Variants in SLC36A3 observed in about 807,000 individuals in gnomAD.
SLC36A3 encodes the protein solute carrier family 36 member 3.
A neutral mutation model predicts 44.3 loss-of-function variants in SLC36A3; 35 were observed. That is an observed-to-expected ratio of 0.79 (90% CI 0.60 to 1.05). The LOEUF (loss-of-function observed/expected upper bound fraction) is 1.05, where lower values mean the gene tolerates loss of function less well. Among genes scored for constraint, SLC36A3 ranks in the 50% least tolerant of loss-of-function variants. The pLI is 0.00. For missense variants in SLC36A3, 540 were observed against 578.7 expected (o/e 0.93, Z 0.69); for synonymous variants, 211 against 227.6 (o/e 0.93, Z 0.66).
chr5:151,280,882 G>T, intron 9 of SLC36A3, 132 bp downstream of exon 9: 1 of 943,992 alleles, frequency 1.1e-6, no homozygotes, highest in Non-Finnish European at 1.6e-6. Flanking sequence ...GAAAAATTGA[G>T]GTCCAGGGAG....
At chr5:151,278,276 A>G (rs1219507442) in intron 9 of SLC36A3, among the ~76,000 whole-genome samples, 1 of 150,596 alleles carries the variant, frequency 6.6e-6, no homozygotes, top group African/African-American at 2.4e-5. Context: ...CATAAAACAC[A>G]AAGACAGCAT....
At chr5:151,299,225 G>GCTCGCT (rs1302695028) in intron 1 of SLC36A3, among the ~76,000 whole-genome samples, 8 of 92,386 alleles carry the variant, frequency 8.7e-5, no homozygotes, top group South Asian at 4.2e-4. Context: ...TTGCTTGTGC[G>GCTCGCT]CTCTCTCTCT....
rs754478122 is a variant in SLC36A3 at position 151,287,345 on chromosome 5, C to A, written c.609G>T (p.Leu203Phe). The A allele has an allele frequency of 1.9e-5, 31 of 1,613,932 alleles. No individual in the cohort carries two copies. Among genetic ancestry groups the A allele is most frequent in the Non-Finnish European group, 2.5e-5 (30 of 1,180,028 alleles). The change falls in exon 6 of 10, where the codon TTG becomes TTT. Residue 203 changes from leucine (L) to phenylalanine (F), a missense_variant. Coordinates refer to ENST00000335230, the MANE Select transcript of SLC36A3 (RefSeq NM_181774.4). The part of the protein sequence containing the change: ...MLIILPFLIL[L>F]VFIQNLKVLS... ...GCACCTTGAGGTTCTGGATAAACAC[C>A]AACAGGATCAGGAAGGGCAGGATTA...
intron 9 of SLC36A3, among the ~76,000 whole-genome samples, chr5:151,279,490 G>C (rs1487379114): frequency 6.6e-6 from 1 of 152,144 alleles, no homozygotes; most frequent in Non-Finnish European, 1.5e-5. Flanking sequence ...TAGAATTGAT[G>C]GATGAATAAT....
chr5:151,296,394 C>A (rs983237703), intron 2 of SLC36A3, 126 bp from the exon 3 acceptor site: 18 of 744,790 alleles, frequency 2.4e-5, no homozygotes, highest in Non-Finnish European at 4.0e-5. Context: ...CAGACCCAGC[C>A]TGAATGTCCT....
intron 9 of SLC36A3, among the ~76,000 whole-genome samples, chr5:151,280,671 G>C (rs1405971655): frequency 6.6e-6 from 1 of 152,046 alleles, no homozygotes; most frequent in African/African-American, 2.4e-5. Flanking sequence ...AATTTATCTG[G>C]GCCACAGTTC....
intron 1 of SLC36A3, among the ~76,000 whole-genome samples, chr5:151,302,361 A>G (rs183037014): frequency 1.3e-5 from 2 of 152,354 alleles, no homozygotes; most frequent in East Asian, 3.9e-4. Flanking sequence ...ATTACCAGAT[A>G]GCAGTGTGAT....
chr5:151,301,456 C>T (rs578235143), intron 1 of SLC36A3, among the ~76,000 whole-genome samples: 7 of 152,152 alleles, frequency 4.6e-5, no homozygotes, highest in Admixed American at 1.3e-4. Context: ...CCACCCAGAC[C>T]GGTCATCTGG....
rs34311183 is a variant in SLC36A3 at position 151,290,878 on chromosome 5, A to AAAT, written c.405-2411_405-2409dup. Among the ~76,000 whole-genome samples the AAAT allele has an allele frequency of 9.0e-3, 1,353 of 150,992 alleles. 9 individuals carry two copies. The highest frequency in any genetic ancestry group is 0.027 in the South Asian group (128 of 4,812). ...CCACTGCACTCCAGACTCTGTCTCAAAATAATAATAATAATAATAATAATT... is the reference window on the plus strand; with the variant it reads ...CCACTGCACTCCAGACTCTGTCTCAAAATAATAATAATAATAATAATAATAATT... On this transcript the variant is annotated intron_variant, in intron 4 of 9. Coordinates refer to ENST00000335230, the MANE Select transcript of SLC36A3 (RefSeq NM_181774.4).
intron 4 of SLC36A3, among the ~76,000 whole-genome samples, chr5:151,291,682 CTATTA>C (rs1021297838): frequency 9.9e-5 from 15 of 152,164 alleles, no homozygotes; most frequent in African/African-American, 3.4e-4. Flanking sequence ...CTACTGTGGG[CTATTA>C]TGAGACACAC....
At chr5:151,303,121 T>TA in intron 1 of SLC36A3, 106 bp downstream of exon 1, 1 of 1,361,366 alleles carries the variant, frequency 7.3e-7, no homozygotes, top group Non-Finnish European at 9.9e-7. Context: ...CATATCGTGT[T>TA]AATGGAATAA....
chr5:151,292,075 G>T (rs1232065161), intron 4 of SLC36A3, among the ~76,000 whole-genome samples: 2 of 152,032 alleles, frequency 1.3e-5, no homozygotes, highest in Admixed American at 1.3e-4. Context: ...TGGTCAGGCT[G>T]GTCTCAAACT....
chr5:151,296,259 C>A lies in SLC36A3; in HGVS notation c.229G>T (p.Val77Phe), dbSNP rs759055205. 3.7e-6 allele frequency: 6 copies of A among 1,614,086 alleles called. No homozygotes were observed. The highest frequency in any genetic ancestry group is 2.7e-5 in the African/African-American group (2 of 75,026). ...AGGACCCCGATGGCCAGAAGGCTGA[C>A]AGGACCGACCTGGAGGGGAGAGGAG... Reference protein sequence around the residue: ...IKNAGLLVGPVSLLAIGVLTV... With the variant: ...IKNAGLLVGPFSLLAIGVLTV... The change falls in exon 3 of 10, where the codon GTC (valine) becomes TTC (phenylalanine). Residue 77 changes from valine (V) to phenylalanine (F), a missense_variant. Physicochemically the swap from Val to Phe is conservative, Grantham distance 50. Coordinates refer to ENST00000335230, the MANE Select transcript of SLC36A3 (RefSeq NM_181774.4).
At chr5:151,277,864 GA>G (rs1359912620) in intron 9 of SLC36A3, among the ~76,000 whole-genome samples, 1 of 152,000 alleles carries the variant, frequency 6.6e-6, no homozygotes, top group Non-Finnish European at 1.5e-5. Context: ...TTATCTACTG[GA>G]TTTTTTTTTA....
rs1754126985 is a variant in SLC36A3, at chr5:151,277,394, T to TA, written c.1411dup (p.Ter471LeufsTer18). On this transcript the variant is annotated frameshift_variant and stop_lost, in exon 10 of 10. Transcript: ENST00000335230. LOFTEE classifies it high-confidence loss of function. ...AGCTATTAGAATAAAAACAGATAAT[T>TA]ATGCATGGACACCTGTGGAGTTGGC... The TA allele has an allele frequency of 6.2e-7, 1 of 1,613,626 alleles. No individual in the cohort carries two copies. The highest frequency in any genetic ancestry group is 1.3e-5 in the African/African-American group (1 of 74,866).
Position 151,287,239 on chromosome 5 carries a change from C to T in SLC36A3, c.708+7G>A. 2 of 1,614,014 alleles carry T rather than the reference C, an allele frequency of 1.2e-6. No individual in the cohort carries two copies. The highest frequency in any genetic ancestry group is 1.7e-6 in the Non-Finnish European group (2 of 1,179,946). ...GACCCTGATCCTTTCTTCCCTATGG[C>T]ACAGACCTCCATGATATACTCAAAG... On this transcript the variant is annotated splice_region_variant and intron_variant, in intron 6 of 9. Transcript: ENST00000335230.
chr5:151,284,480 A>AGACTT, intron 7 of SLC36A3, 133 bp downstream of exon 7: 1 of 745,958 alleles, frequency 1.3e-6, no homozygotes, highest in Non-Finnish European at 2.2e-6. Flanking sequence ...ATGTGGGTAC[A>AGACTT]GACTTTCCCT....
chr5:151,277,349 T>G lies in SLC36A3; in HGVS notation c.*44A>C. On this transcript the variant is annotated 3_prime_UTR_variant, in exon 10 of 10. Coordinates refer to ENST00000335230, the MANE Select transcript of SLC36A3 (RefSeq NM_181774.4). ...TATAACATCCACATGGAAGTCAAAC[T>G]GGGGATGGGAGGAAGGGAGAGCTAT... 6.2e-7 allele frequency: 1 copy of G among 1,604,350 alleles called. No individual in the cohort carries two copies. The highest frequency in any genetic ancestry group is 8.5e-7 in the Non-Finnish European group (1 of 1,173,248).
intron 5 of SLC36A3, among the ~76,000 whole-genome samples, chr5:151,287,964 C>T (rs1362311043): frequency 6.6e-6 from 1 of 152,208 alleles, no homozygotes; most frequent in East Asian, 1.9e-4. Context: ...GATGCTCCCT[C>T]TAATCCACAA....
Sources: gnomAD v4.1 joint callset for allele counts (sites outside exome capture counted in the v4.1 genomes callset) on GRCh38, gnomAD v4.1.1 for gene constraint, MANE v1.5 for transcripts, NCBI Gene and HGNC (gene_info 2026-07-23, HGNC 2026-07-21) for gene names.